Variants in PI4KA observed in about 807,000 individuals in gnomAD.
The protein encoded by PI4KA is phosphatidylinositol 4-kinase alpha, also known as PI4-kinase alpha.
A neutral mutation model predicts 271.4 loss-of-function variants in PI4KA; 122 were observed. The observed-to-expected ratio is 0.45, with a 90% confidence interval of 0.39 to 0.52. PI4KA has a LOEUF of 0.52. Among genes scored for constraint, PI4KA ranks in the 20% least tolerant of loss-of-function variants. The pLI, the probability that PI4KA is intolerant of heterozygous loss-of-function variation, is 0.00. For synonymous variants in PI4KA, 1,041 were observed against 1,078.8 expected, an observed-to-expected ratio of 0.96 and a Z score of 0.69; for missense variants, 1,969 against 2,769.1, an observed-to-expected ratio of 0.71 and a Z score of 6.48.
intron 19 of PI4KA, among the ~76,000 whole-genome samples, chr22:20,778,436 C>T (rs911628174): frequency 6.6e-6 from 1 of 151,872 alleles, no homozygotes; most frequent in Non-Finnish European, 1.5e-5. Context: ...TCCAGGAGGC[C>T]GAAGTTGCAG....
intron 1 of PI4KA, among the ~76,000 whole-genome samples, chr22:20,849,668 C>G (rs1029126806): frequency 2.1e-4 from 32 of 152,062 alleles, no homozygotes; most frequent in African/African-American, 7.2e-4. Context: ...ATCCGGCTAA[C>G]ACGATGAAAC....
chr22:20,792,716 A>G (rs114420451), intron 19 of PI4KA, among the ~76,000 whole-genome samples: 2,333 of 152,232 alleles, frequency 0.015, 67 homozygotes, highest in African/African-American at 0.054. Flanking sequence ...GCCACACAGG[A>G]GGCAGGGACT....
At chr22:20,747,906 G>C (rs1471046061) in intron 28 of PI4KA, among the ~76,000 whole-genome samples, 1 of 149,396 alleles carries the variant, frequency 6.7e-6, no homozygotes, top group Non-Finnish European at 1.5e-5. Flanking sequence ...GGCTAATTTT[G>C]CAATTTTTTT....
At chr22:20,844,564 C>G (rs1926012127) in intron 1 of PI4KA, among the ~76,000 whole-genome samples, 2 of 152,192 alleles carry the variant, frequency 1.3e-5, no homozygotes, top group South Asian at 4.1e-4. Context: ...TAACACAAGT[C>G]AGAAACTAAA....
rs928140176 is a variant in PI4KA, at chr22:20,858,749, C to G, written c.-24G>C. The G allele has an allele frequency of 2.2e-6, 3 of 1,368,088 alleles. No individual in the cohort carries two copies. Among genetic ancestry groups the G allele is most frequent in the Non-Finnish European group, 9.4e-7 (1 of 1,058,914 alleles). The allele number at this position is 1,368,088 out of a possible 1,614,324, so 84.7% of individuals were successfully genotyped here. A position where few individuals can be genotyped will look rare whatever the true frequency, so the allele number is the denominator to read the frequency against. ...ATCACCTCACGAGCCGCGGCGCTGC[C>G]CGCCGGCTCCCCGCTCCTGGCCCGC... On this transcript the variant is annotated 5_prime_UTR_variant, in exon 1 of 55. Coordinates refer to ENST00000255882, the MANE Select transcript of PI4KA (RefSeq NM_058004.4).
intron 30 of PI4KA, among the ~76,000 whole-genome samples, chr22:20,743,853 GA>G (rs919634658): frequency 1.1e-4 from 16 of 152,000 alleles, no homozygotes; most frequent in African/African-American, 3.9e-4. Flanking sequence ...AGGAGATCAA[GA>G]CCGTCCTGGC....
intron 19 of PI4KA, among the ~76,000 whole-genome samples, chr22:20,777,760 C>T (rs1933421314): frequency 6.6e-6 from 1 of 152,198 alleles, no homozygotes; most frequent in African/African-American, 2.4e-5. Flanking sequence ...ATCATCAAAG[C>T]TCATCTAACC....
At chr22:20,827,216 A>C (rs544235178) in intron 3 of PI4KA, among the ~76,000 whole-genome samples, 59 of 152,226 alleles carry the variant, frequency 3.9e-4, no homozygotes, top group African/African-American at 1.1e-3. Flanking sequence ...ATCCATCTTC[A>C]GTTGATTTTT....
Position 20,721,208 on chromosome 22 carries a change from C to G in PI4KA, c.5116+90G>C, listed in dbSNP as rs1050107100. Reference sequence around the variant, plus strand: ...GAGGGGTCGGTGAGCTGGGGCAGTGCAGGCTGGCGAGAGCCCTGGGGGCTG... The same window carrying G: ...GAGGGGTCGGTGAGCTGGGGCAGTGGAGGCTGGCGAGAGCCCTGGGGGCTG... On this transcript the variant is annotated intron_variant, in intron 43 of 54. Coordinates refer to ENST00000255882, the MANE Select transcript of PI4KA (RefSeq NM_058004.4). 46 of 1,397,736 alleles carry G rather than the reference C, an allele frequency of 3.3e-5. No individual in the cohort carries two copies. The African/African-American group carries it at 6.2e-4, about 19-fold the overall frequency. 86.6% of individuals were successfully genotyped at this position (1,397,736 alleles called of 1,614,324 possible). A position where few individuals can be genotyped will look rare whatever the true frequency, so the allele number is the denominator to read the frequency against.
chr22:20,849,532 A>G (rs1447454317), intron 1 of PI4KA, among the ~76,000 whole-genome samples: 1 of 152,240 alleles, frequency 6.6e-6, no homozygotes, highest in East Asian at 1.9e-4. Context: ...ATGCTACAAC[A>G]TGGATGAACC....
chr22:20,759,865 A>G (rs956488644), intron 23 of PI4KA, among the ~76,000 whole-genome samples: 2 of 151,788 alleles, frequency 1.3e-5, no homozygotes, highest in Non-Finnish European at 2.9e-5. Flanking sequence ...GCACCCAGCC[A>G]ATTTTTTTAT....
chr22:20,803,070 GAC>G, intron 13 of PI4KA, 119 bp downstream of exon 13: 1 of 1,024,208 alleles, frequency 9.8e-7, no homozygotes, highest in Non-Finnish European at 1.5e-6. Flanking sequence ...CAAAGGGAAA[GAC>G]AGAAGGAAAG....
chr22:20,843,885 CTT>C (rs1378727792), intron 1 of PI4KA, among the ~76,000 whole-genome samples: 1 of 152,162 alleles, frequency 6.6e-6, no homozygotes, highest in African/African-American at 2.4e-5. Flanking sequence ...AGCCCCAAAA[CTT>C]CTCTCATAAA....
intron 19 of PI4KA, among the ~76,000 whole-genome samples, chr22:20,781,217 A>C (rs997002385): frequency 3.3e-5 from 5 of 152,218 alleles, no homozygotes; most frequent in Non-Finnish European, 1.5e-5. Context: ...ATGGATTTGT[A>C]AAATCCAAAC....
intron 23 of PI4KA, among the ~76,000 whole-genome samples, chr22:20,754,171 T>C (rs1931019148): frequency 1.3e-5 from 2 of 152,216 alleles, no homozygotes; most frequent in African/African-American, 4.8e-5. Context: ...AGCTGCAACC[T>C]TGATCTCCCA....
At chr22:20,784,179 T>C in intron 19 of PI4KA, 1 of 1,614,162 alleles carries the variant, frequency 6.2e-7, no homozygotes, top group Non-Finnish European at 8.5e-7. Flanking sequence ...ATGTCTGGGA[T>C]GAAGACCCTC....
In PI4KA at chr22:20,808,378, G is replaced by A. The variant is rs922508299; in HGVS notation, c.1072-920C>T. Among the ~76,000 whole-genome samples, 13 of 151,810 alleles carry A rather than the reference G, an allele frequency of 8.6e-5. No homozygotes were observed. In the South Asian group the frequency reaches 1.5e-3, roughly 17 times the overall value. On this transcript the variant is annotated intron_variant, in intron 9 of 54. Transcript: ENST00000255882. ...AGGCGGGTGGATCACGAGATCAGGA[G>A]TTCAGGAGTTCAAGACCAGCCTGTC...
At chr22:20,774,968 T>C (rs1933149392) in intron 19 of PI4KA, among the ~76,000 whole-genome samples, 1 of 152,160 alleles carries the variant, frequency 6.6e-6, no homozygotes, top group African/African-American at 2.4e-5. Flanking sequence ...GGAGTTGTTC[T>C]ACTACACTAT....
chr22:20,725,837 G>A (rs760789399), intron 42 of PI4KA: 3 of 241,924 alleles, frequency 1.2e-5, no homozygotes, highest in South Asian at 4.9e-5. Flanking sequence ...GCTTGAGCCC[G>A]AGAGGTTGAG....
Sources: gnomAD v4.1 joint callset for allele counts (sites outside exome capture counted in the v4.1 genomes callset) on GRCh38, gnomAD v4.1.1 for gene constraint, MANE v1.5 for transcripts, NCBI Gene and HGNC (gene_info 2026-07-23, HGNC 2026-07-21) for gene names.